Variants in RARB observed in about 807,000 individuals in gnomAD.
RARB encodes HBV-activated protein.
Under a neutral mutation model 51.9 loss-of-function variants are expected in RARB, and 17 were observed. The ratio of observed to expected loss-of-function variants is 0.33; its 90% confidence interval spans 0.22 to 0.49. RARB has a LOEUF of 0.49. Ranked by LOEUF, RARB falls within the 20% of genes least tolerant of loss-of-function variation. The pLI is 0.99. For missense variants in RARB, 369 were observed against 550.8 expected, an observed-to-expected ratio of 0.67 and a Z score of 3.30; for synonymous variants, 215 against 195.4, an observed-to-expected ratio of 1.10 and a Z score of -0.84.
At chr3:24,952,902 G>GTT (rs1329359647) in intron 2 of RARB, among the ~76,000 whole-genome samples, 1 of 151,650 alleles carries the variant, frequency 6.6e-6, no homozygotes, top group African/African-American at 2.4e-5. Context: ...GTTTTGTTTT[G>GTT]TTTTTTCTTT....
At chr3:24,929,418 C>G (rs556307051) in intron 2 of RARB, among the ~76,000 whole-genome samples, 1 of 151,964 alleles carries the variant, frequency 6.6e-6, no homozygotes, top group Non-Finnish European at 1.5e-5. Flanking sequence ...AATAAAGATG[C>G]GTTTTAAGGG....
At chr3:24,966,366 G>C (rs959812830) in intron 2 of RARB, among the ~76,000 whole-genome samples, 3 of 152,024 alleles carry the variant, frequency 2.0e-5, no homozygotes, top group African/African-American at 7.2e-5. Context: ...GAAAGAAGGA[G>C]GTGAGTATTG....
chr3:25,187,556 G>A (rs1701006749), intron 5 of RARB, among the ~76,000 whole-genome samples: 1 of 151,478 alleles, frequency 6.6e-6, no homozygotes. Flanking sequence ...CAGGAGAAAG[G>A]GAAAGTTTTT....
chr3:25,114,576 C>T (rs935561730), intron 3 of RARB, among the ~76,000 whole-genome samples: 2 of 152,290 alleles, frequency 1.3e-5, no homozygotes, highest in African/African-American at 2.4e-5. Context: ...TTTGTAAAAT[C>T]GGGATCCAGC....
At chr3:25,467,244 G>A (rs2125563084) in intron 2 of RARB, among the ~76,000 whole-genome samples, 1 of 152,360 alleles carries the variant, frequency 6.6e-6, no homozygotes, top group South Asian at 2.1e-4. Context: ...GTATCAGTTA[G>A]CTTCTTCTGC....
At chr3:25,201,636 A>G (rs1038127324) in intron 5 of RARB, among the ~76,000 whole-genome samples, 1 of 152,182 alleles carries the variant, frequency 6.6e-6, no homozygotes, top group African/African-American at 2.4e-5. Context: ...AGTTTTTAGC[A>G]TGAAGCGTTG....
intron 4 of RARB, among the ~76,000 whole-genome samples, chr3:25,140,328 C>T (rs77817800): frequency 0.012 from 1,828 of 152,216 alleles, 34 homozygotes; most frequent in African/African-American, 0.04. Context: ...AGTCAAAATA[C>T]CCACATTTTG....
intron 3 of RARB, among the ~76,000 whole-genome samples, chr3:25,112,073 C>G (rs894775044): frequency 2.0e-5 from 3 of 152,130 alleles, no homozygotes; most frequent in Admixed American, 6.6e-5. Context: ...TAGTAGGCAG[C>G]TGTTCGGTGT....
At position 25,207,422 on chromosome 3, in the gene RARB, A is replaced by T. The variant is rs9844429; in HGVS notation, c.178+32847A>T. 5.6e-3 allele frequency among the ~76,000 whole-genome samples: 860 copies of T among 152,268 alleles called. 15 individuals are homozygous for T. The highest frequency in any genetic ancestry group is 0.019 in the African/African-American group (809 of 41,546). ...TGTTTGGGACATGTAGTCACATCTT[A>T]TCTTTCCTGTTTTAATGTGCTGCTT... On this transcript the variant is annotated intron_variant, in intron 5 of 11. Transcript: ENST00000383772.
chr3:25,159,808 G>A (rs947628453), intron 4 of RARB, among the ~76,000 whole-genome samples: 8 of 152,154 alleles, frequency 5.3e-5, no homozygotes, highest in Non-Finnish European at 1.2e-4. Context: ...CTAATGTGAG[G>A]AGGCCAAACT....
At chr3:25,376,807 C>T (rs61558701) in intron 5 of RARB, among the ~76,000 whole-genome samples, 6,227 of 152,208 alleles carry the variant, frequency 0.041, 144 homozygotes, top group Middle Eastern at 0.065. Flanking sequence ...ATAGAAAAGA[C>T]GTGCAAATCT....
intron 2 of RARB, among the ~76,000 whole-genome samples, chr3:24,913,759 T>C (rs1300919052): frequency 6.6e-6 from 1 of 152,172 alleles, no homozygotes; most frequent in Non-Finnish European, 1.5e-5. Context: ...ATTTTGAACG[T>C]TTTTGGGGAA....
At chr3:25,023,113 T>G (rs1048560609) in intron 2 of RARB, among the ~76,000 whole-genome samples, 2 of 152,162 alleles carry the variant, frequency 1.3e-5, no homozygotes, top group African/African-American at 2.4e-5. Context: ...TTCAGTTCTT[T>G]CAGTAAGGAG....
At chr3:25,020,117 T>A (rs2125284310) in intron 2 of RARB, 1 of 33,098 alleles carries the variant, frequency 3.0e-5, no homozygotes, top group African/African-American at 3.1e-4. Flanking sequence ...TTATTATTAT[T>A]ATTATTATTA....
intron 5 of RARB, among the ~76,000 whole-genome samples, chr3:25,296,253 G>A (rs934800505): frequency 5.3e-5 from 8 of 152,134 alleles, no homozygotes. Flanking sequence ...AAAATTCAAA[G>A]GGCAAGGCAG....
At chr3:25,158,280 C>T (rs1262544729) in intron 4 of RARB, among the ~76,000 whole-genome samples, 2 of 152,340 alleles carry the variant, frequency 1.3e-5, no homozygotes, top group East Asian at 3.9e-4. Flanking sequence ...AATCACCCTT[C>T]AATTATTAGA....
At chr3:25,135,402 T>A (rs1222182909) in intron 4 of RARB, among the ~76,000 whole-genome samples, 1 of 152,016 alleles carries the variant, frequency 6.6e-6, no homozygotes, top group African/African-American at 2.4e-5. Flanking sequence ...TAACCCCATT[T>A]ACCTGGATAT....
intron 3 of RARB, among the ~76,000 whole-genome samples, chr3:25,566,027 C>T (rs901291223): frequency 2.0e-5 from 3 of 152,174 alleles, no homozygotes; most frequent in Admixed American, 6.5e-5. Flanking sequence ...CCTGCACTGC[C>T]CCAGGAGCCA....
chr3:25,399,610 C>T (rs562177633), intron 5 of RARB, among the ~76,000 whole-genome samples: 1 of 152,296 alleles, frequency 6.6e-6, no homozygotes, highest in South Asian at 2.1e-4. Context: ...AGCAAAAAGC[C>T]TCCGTGTGAG....
Sources: allele counts gnomAD v4.1 joint callset (sites outside exome capture counted in the v4.1 genomes callset), GRCh38; gene constraint gnomAD v4.1.1; transcripts MANE v1.5; gene names NCBI Gene and HGNC (gene_info 2026-07-23, HGNC 2026-07-21).